The following EMB variants were observed in gnomAD, a reference collection of about 807,000 sequenced individuals.
EMB encodes embigin homolog.
Under a neutral mutation model 41.4 loss-of-function variants are expected in EMB, and 31 were observed. That is an observed-to-expected ratio of 0.75 (90% CI 0.56 to 1.01). The LOEUF is 1.01. EMB is among the 50% of genes least tolerant of loss of function. EMB has a pLI of 0.00. For synonymous variants in EMB, 137 were observed against 140.4 expected, an observed-to-expected ratio of 0.98 and a Z score of 0.17; for missense variants, 379 against 388.3, an observed-to-expected ratio of 0.98 and a Z score of 0.20.
At chr5:50,428,613 G>A in intron 1 of EMB, 1 of 987,354 alleles carries the variant, frequency 1.0e-6, no homozygotes, top group Non-Finnish European at 1.2e-6. Flanking sequence ...TGAAAGAAGA[G>A]CGACAGGCAG....
intron 1 of EMB, chr5:50,428,563 G>A: frequency 1.0e-6 from 1 of 996,546 alleles, no homozygotes; most frequent in Non-Finnish European, 1.2e-6. Flanking sequence ...AGATGAGAGA[G>A]CCAGAAAATG....
chr5:50,440,960 C>T (rs1372751356), intron 1 of EMB, 80 bp downstream of exon 1: 1 of 1,049,776 alleles, frequency 9.5e-7, no homozygotes, highest in Non-Finnish European at 1.2e-6. Context: ...CCCGGCGCGC[C>T]GGCGATGCCC....
intron 7 of EMB, 75 bp downstream of exon 7, chr5:50,402,211 C>A (rs1301724741): frequency 4.0e-6 from 6 of 1,487,640 alleles, no homozygotes; most frequent in Admixed American, 3.4e-5. Flanking sequence ...CCCCTAACTG[C>A]AAACATTTCA....
intron 4 of EMB, among the ~76,000 whole-genome samples, chr5:50,407,311 T>C (rs1172185700): frequency 2.0e-5 from 3 of 151,992 alleles, no homozygotes; most frequent in African/African-American, 7.2e-5. Context: ...TCAGTATTCC[T>C]TGAAGAGCTA....
chr5:50,425,713 G>C lies in EMB; in HGVS notation c.196+2431C>G, dbSNP rs557566547. Reference sequence around the variant, plus strand: ...AGCAAGTGCAATTTCTTTATTTCTGGGGGGGCAGGGGAGATGGACTCTTGC... The same window carrying C: ...AGCAAGTGCAATTTCTTTATTTCTGCGGGGGCAGGGGAGATGGACTCTTGC... On this transcript the variant is annotated intron_variant, in intron 2 of 8. Transcript: ENST00000303221. Among the ~76,000 whole-genome samples the C allele has an allele frequency of 2.3e-4, 18 of 76,970 alleles. 1 individual carries two copies. In the South Asian group the frequency reaches 6.5e-3, roughly 28 times the overall value. The allele number at this position is 76,970 out of a possible 152,430, so 50.5% of individuals were successfully genotyped here.
At chr5:50,412,243 CACACACACACACAG>C (rs1396970812) in intron 2 of EMB, among the ~76,000 whole-genome samples, 3 of 121,018 alleles carry the variant, frequency 2.5e-5, no homozygotes, top group Admixed American at 8.3e-5. Context: ...ACACACACCA[CACACACACACACAG>C]ACACACACAC....
At chr5:50,434,509 T>G (rs531258263) in intron 1 of EMB, among the ~76,000 whole-genome samples, 1 of 152,276 alleles carries the variant, frequency 6.6e-6, no homozygotes, top group East Asian at 1.9e-4. Context: ...GACGCTGAAA[T>G]GCAAACCAGG....
At chr5:50,441,346 C>A (rs1399026904), upstream of EMB, 1 of 380,462 alleles carries the variant, frequency 2.6e-6, no homozygotes, top group East Asian at 3.8e-5. Context: ...TCTTACCGCG[C>A]CCGGCCCTCC....
intron 1 of EMB, among the ~76,000 whole-genome samples, chr5:50,430,482 G>A (rs535618746): frequency 6.6e-6 from 1 of 152,154 alleles, no homozygotes; most frequent in East Asian, 1.9e-4. Context: ...TTCCACTTAA[G>A]TAAGTGAATA....
At chr5:50,441,534 T>A (rs1025186616), upstream of EMB, among the ~76,000 whole-genome samples, 1 of 152,326 alleles carries the variant, frequency 6.6e-6, no homozygotes, top group East Asian at 1.9e-4. Context: ...GCCTACAGAC[T>A]GGCCTTTGCA....
intron 2 of EMB, among the ~76,000 whole-genome samples, chr5:50,427,892 C>T (rs1745646348): frequency 6.6e-6 from 1 of 152,150 alleles, no homozygotes; most frequent in African/African-American, 2.4e-5. Context: ...AATTGATTCT[C>T]CCTTTTCTCA....
At chr5:50,440,533 C>CAAAAAAAAAAAAAA (rs70972912) in intron 1 of EMB, among the ~76,000 whole-genome samples, 2 of 60,040 alleles carry the variant, frequency 3.3e-5, no homozygotes, top group African/African-American at 1.4e-4. Context: ...AACTCCGTCT[C>CAAAAAAAAAAAAAA]AAAAAAAAAA....
rs187497161 is a variant in EMB, at chr5:50,436,299, T to C, written c.112+4741A>G. 5.9e-3 allele frequency among the ~76,000 whole-genome samples: 898 copies of C among 152,354 alleles called. 8 individuals are homozygous for C. The highest frequency in any genetic ancestry group is 0.021 in the African/African-American group (864 of 41,580). On this transcript the variant is annotated intron_variant, in intron 1 of 8. Transcript: ENST00000303221. ...AGGGATTTAATGTCATGGATTCCCATGGATACTGCCAACTGCAATCCAACA... is the reference window on the plus strand; with the variant it reads ...AGGGATTTAATGTCATGGATTCCCACGGATACTGCCAACTGCAATCCAACA...
intron 4 of EMB, among the ~76,000 whole-genome samples, chr5:50,407,008 G>T (rs1156439093): frequency 2.0e-5 from 3 of 151,962 alleles, no homozygotes; most frequent in Admixed American, 1.3e-4. Context: ...CTAGGGCAAT[G>T]ACCTCAACAG....
intron 4 of EMB, among the ~76,000 whole-genome samples, chr5:50,406,767 G>C (rs893062158): frequency 1.3e-5 from 2 of 151,768 alleles, no homozygotes; most frequent in African/African-American, 4.8e-5. Context: ...GTGTGTGTGC[G>C]CACATGCGTG....
chr5:50,406,154 A>G (rs891044969), intron 4 of EMB, among the ~76,000 whole-genome samples: 2 of 151,854 alleles, frequency 1.3e-5, no homozygotes, highest in Non-Finnish European at 2.9e-5. Flanking sequence ...AAGAGGCTTC[A>G]TGTTTTCAAA....
intron 8 of EMB, 98 bp downstream of exon 8, chr5:50,399,761 G>C (rs1745129807): frequency 2.2e-6 from 2 of 913,978 alleles, no homozygotes; most frequent in African/African-American, 3.4e-5. Context: ...TAAATGACCA[G>C]ATCTTTTATG....
At chr5:50,442,514 TACAC>T (rs34576878), upstream of EMB, among the ~76,000 whole-genome samples, 1 of 150,756 alleles carries the variant, frequency 6.6e-6, no homozygotes, top group African/African-American at 2.4e-5. Flanking sequence ...TGCACACATG[TACAC>T]ACACACACAC....
At chr5:50,438,647 T>C (rs1745845061) in intron 1 of EMB, among the ~76,000 whole-genome samples, 2 of 152,296 alleles carry the variant, frequency 1.3e-5, no homozygotes, top group South Asian at 4.1e-4. Flanking sequence ...ACAATATCCT[T>C]TGGCAAAGAG....
Sources: gnomAD v4.1 joint callset for allele counts (sites outside exome capture counted in the v4.1 genomes callset) on GRCh38, gnomAD v4.1.1 for gene constraint, MANE v1.5 for transcripts, NCBI Gene and HGNC (gene_info 2026-07-23, HGNC 2026-07-21) for gene names.